The following ZNF423 variants were observed in gnomAD, a reference collection of about 807,000 sequenced individuals.
The protein encoded by ZNF423 is zinc finger protein 423.
Under a neutral mutation model 95.8 loss-of-function variants are expected in ZNF423, and 12 were observed. That is an observed-to-expected ratio of 0.13 (90% CI 0.08 to 0.20). ZNF423 has a LOEUF of 0.20. Ranked by LOEUF, ZNF423 falls within the 10% of genes least tolerant of loss-of-function variation. ZNF423 has a pLI of 1.00. For synonymous variants in ZNF423, 749 were observed against 711.9 expected, an observed-to-expected ratio of 1.05 and a Z score of -0.83; for missense variants, 1,316 against 1,737.1, an observed-to-expected ratio of 0.76 and a Z score of 4.31.
intron 1 of ZNF423, among the ~76,000 whole-genome samples, chr16:49,817,239 G>A (rs1023520841): frequency 1.6e-4 from 24 of 152,204 alleles, no homozygotes; most frequent in African/African-American, 5.3e-4. Context: ...GCGGAGAGGG[G>A]AGAGCAGGGG....
intron 3 of ZNF423, among the ~76,000 whole-genome samples, chr16:49,658,114 T>C (rs537192876): frequency 1.3e-5 from 2 of 152,360 alleles, no homozygotes; most frequent in Admixed American, 1.3e-4. Flanking sequence ...GGGTTAAACA[T>C]GCATGAACCA....
intron 2 of ZNF423, among the ~76,000 whole-genome samples, chr16:49,741,054 C>T (rs1450695638): frequency 6.6e-6 from 1 of 152,190 alleles, no homozygotes; most frequent in African/African-American, 2.4e-5. Flanking sequence ...TGGAGAGAAG[C>T]TCTCAACTCC....
intron 3 of ZNF423, among the ~76,000 whole-genome samples, chr16:49,654,290 C>T (rs1973524367): frequency 6.6e-6 from 1 of 152,224 alleles, no homozygotes; most frequent in Non-Finnish European, 1.5e-5. Context: ...CAGCTCTGCC[C>T]ACCTCCCCAA....
intron 5 of ZNF423, 101 bp from the exon 6 acceptor site, chr16:49,525,595 A>C: frequency 3.3e-6 from 5 of 1,510,040 alleles, no homozygotes; most frequent in Non-Finnish European, 4.5e-6. Flanking sequence ...CCCCCCTCCA[A>C]TCCCCAGCAC....
intron 5 of ZNF423, among the ~76,000 whole-genome samples, chr16:49,595,582 C>T (rs1971155779): frequency 6.6e-6 from 1 of 152,166 alleles, no homozygotes; most frequent in African/African-American, 2.4e-5. Context: ...CAATGATAGG[C>T]TAACAAAATT....
At chr16:49,747,551 G>A (rs1386370885) in intron 2 of ZNF423, among the ~76,000 whole-genome samples, 2 of 152,018 alleles carry the variant, frequency 1.3e-5, no homozygotes, top group Non-Finnish European at 2.9e-5. Context: ...AACGGGGCAG[G>A]AAGAGTAGGG....
intron 5 of ZNF423, among the ~76,000 whole-genome samples, chr16:49,573,465 G>A (rs1237706807): frequency 5.9e-5 from 9 of 152,166 alleles, no homozygotes; most frequent in Admixed American, 3.9e-4. Context: ...AGGCTGCAAA[G>A]TCCAAGAGCA....
chr16:49,841,798 A>G (rs1301737382), intron 1 of ZNF423, among the ~76,000 whole-genome samples: 1 of 152,234 alleles, frequency 6.6e-6, no homozygotes, highest in Non-Finnish European at 1.5e-5. Flanking sequence ...AGCCTAGGCT[A>G]AGCCTCACCT....
intron 1 of ZNF423, among the ~76,000 whole-genome samples, chr16:49,790,761 A>G (rs540615979): frequency 6.6e-6 from 1 of 152,338 alleles, no homozygotes; most frequent in Non-Finnish European, 1.5e-5. Flanking sequence ...CAAATGATCT[A>G]ACCTCTGGGT....
chr16:49,655,556 G>A (rs910882268), intron 3 of ZNF423, among the ~76,000 whole-genome samples: 3 of 152,194 alleles, frequency 2.0e-5, no homozygotes, highest in African/African-American at 7.2e-5. Context: ...GAACACTCAA[G>A]TCACTGTGGA....
At chr16:49,851,615 A>G (rs1346171043) in intron 1 of ZNF423, among the ~76,000 whole-genome samples, 1 of 152,148 alleles carries the variant, frequency 6.6e-6, no homozygotes, top group Non-Finnish European at 1.5e-5. Flanking sequence ...GCATGCCACA[A>G]CATTGCCAGG....
chr16:49,647,805 T>C (rs1023088216), intron 3 of ZNF423, among the ~76,000 whole-genome samples: 2 of 152,200 alleles, frequency 1.3e-5, no homozygotes, highest in African/African-American at 2.4e-5. Context: ...TTTTTGTTTG[T>C]TGTTTTAAGC....
In ZNF423 at chr16:49,730,871, T is replaced by G; in HGVS notation, c.201A>C (p.Glu67Asp). Residue 67 changes from glutamate (E) to aspartate (D), a missense_variant, in exon 3 of 8, where the codon GAA becomes GAC. Around this residue, in one of 6 missense-constraint regions of ZNF423, gnomAD observed 155 missense variants for 170.8 expected, o/e 0.91. Transcript: ENST00000563137. ...TGTAAATTGATTCATCCTCCATGTC[T>G]TCATCATCCTCATTTCTCTCCTCTT... is the stretch of plus-strand genomic sequence containing the variant. Reference protein sequence around the residue: ...TSQEERNEDDEDMEDESIYTC... With the variant: ...TSQEERNEDDDDMEDESIYTC... The G allele has an allele frequency of 1.2e-6, 2 of 1,614,164 alleles. No homozygotes were observed. Among genetic ancestry groups the G allele is most frequent in the African/African-American group, 2.7e-5 (2 of 75,048 alleles).
At chr16:49,742,780 T>TCAC (rs1329571919) in intron 2 of ZNF423, among the ~76,000 whole-genome samples, 1 of 151,920 alleles carries the variant, frequency 6.6e-6, no homozygotes, top group Non-Finnish European at 1.5e-5. Flanking sequence ...GGGGCGCAAA[T>TCAC]CACCCCCCTT....
intron 1 of ZNF423, among the ~76,000 whole-genome samples, chr16:49,823,227 C>T (rs1242382874): frequency 6.6e-6 from 1 of 152,240 alleles, no homozygotes; most frequent in Non-Finnish European, 1.5e-5. Flanking sequence ...GGCATCACTA[C>T]CTGGACAGAA....
At position 49,730,948 on chromosome 16, in the gene ZNF423, A is replaced by C; in HGVS notation, c.124T>G (p.Cys42Gly). 1 of 1,613,832 alleles carries C rather than the reference A, an allele frequency of 6.2e-7. No individual in the cohort carries two copies. The highest frequency in any genetic ancestry group is 8.5e-7 in the Non-Finnish European group (1 of 1,179,958). Residue 42 changes from cysteine to glycine, a missense_variant, in exon 3 of 8, where the codon TGC becomes GGC. Transcript: ENST00000563137. Reference protein sequence around the residue: ...AAGGLEGEPECDQKTSRALED... With the variant: ...AAGGLEGEPEGDQKTSRALED... ...AGCGCACGGCTGGTTTTCTGATCGCACTCTGGCTCTCCTTCTAGGCCTCCT... is the reference window on the plus strand; with the variant it reads ...AGCGCACGGCTGGTTTTCTGATCGCCCTCTGGCTCTCCTTCTAGGCCTCCT...
At chr16:49,751,274 T>A (rs1262709553) in intron 2 of ZNF423, among the ~76,000 whole-genome samples, 1 of 152,162 alleles carries the variant, frequency 6.6e-6, no homozygotes, top group Non-Finnish European at 1.5e-5. Flanking sequence ...CAGGCTGGAG[T>A]GCAGTGGTGC....
intron 2 of ZNF423, among the ~76,000 whole-genome samples, chr16:49,770,365 G>A (rs1454087630): frequency 6.6e-6 from 1 of 152,198 alleles, no homozygotes; most frequent in Non-Finnish European, 1.5e-5. Context: ...CCTGGTGCTA[G>A]AAGTGCTGAG....
chr16:49,750,618 G>A (rs778844154), intron 2 of ZNF423, among the ~76,000 whole-genome samples: 8 of 152,200 alleles, frequency 5.3e-5, no homozygotes, highest in South Asian at 2.1e-4. Context: ...ACCCTGCAAC[G>A]TGCCAGGGAC....
Sources: gnomAD v4.1 joint callset for allele counts (sites outside exome capture counted in the v4.1 genomes callset) on GRCh38, gnomAD v4.1.1 for gene constraint, gnomAD v4.1.1 regional missense constraint, MANE v1.5 for transcripts, NCBI Gene and HGNC (gene_info 2026-07-23, HGNC 2026-07-21) for gene names.